LIMS1: variants seen among roughly 807,000 people sequenced by gnomAD.
LIMS1 encodes LIM and senescent cell antigen-like-containing domain protein 1.
In LIMS1, 18 loss-of-function variants were observed where a neutral mutation model predicts 44.1. The ratio of observed to expected loss-of-function variants is 0.41; its 90% CI spans 0.28 to 0.61. LIMS1 has a LOEUF of 0.61. Ranked by LOEUF, LIMS1 falls within the 20% of genes least tolerant of loss-of-function variation. LIMS1 has a pLI of 0.32. For missense variants in LIMS1, 201 were observed against 422.0 expected (o/e 0.48, Z 4.59); for synonymous variants, 93 against 149.1 (o/e 0.62, Z 2.74).
At chr2:108,584,952 C>A (rs1225133782) in intron 1 of LIMS1, among the ~76,000 whole-genome samples, 1 of 151,912 alleles carries the variant, frequency 6.6e-6, no homozygotes, top group East Asian at 1.9e-4. Context: ...AGGAGTTCGA[C>A]ACCAGCCTGG....
chr2:108,577,790 C>T (rs1685723835), intron 1 of LIMS1, among the ~76,000 whole-genome samples: 1 of 152,198 alleles, frequency 6.6e-6, no homozygotes, highest in African/African-American at 2.4e-5. Context: ...AGTATTTTGG[C>T]TCAGCAGTTA....
intron 1 of LIMS1, among the ~76,000 whole-genome samples, chr2:108,580,521 G>A (rs534245108): frequency 6.6e-6 from 1 of 152,246 alleles, no homozygotes; most frequent in South Asian, 2.1e-4. Flanking sequence ...CAGAGAAGAG[G>A]TGGTTTGGGA....
chr2:108,636,987 A>G (rs1471205493), intron 1 of LIMS1, among the ~76,000 whole-genome samples: 1 of 152,148 alleles, frequency 6.6e-6, no homozygotes, highest in Non-Finnish European at 1.5e-5. Context: ...ACTTATGGCA[A>G]AATCTAAGTT....
At chr2:108,542,648 T>C (rs1389610807) in intron 1 of LIMS1, among the ~76,000 whole-genome samples, 1 of 152,234 alleles carries the variant, frequency 6.6e-6, no homozygotes, top group Non-Finnish European at 1.5e-5. Flanking sequence ...CTTACGCTTA[T>C]ATCATCTTAT....
At chr2:108,619,209 T>C (rs1688098709) in intron 1 of LIMS1, among the ~76,000 whole-genome samples, 1 of 152,302 alleles carries the variant, frequency 6.6e-6, no homozygotes, top group African/African-American at 2.4e-5. Flanking sequence ...AAATAAGCAA[T>C]TATTTACATT....
At chr2:108,632,265 C>T (rs1034020993) in intron 1 of LIMS1, among the ~76,000 whole-genome samples, 4 of 152,194 alleles carry the variant, frequency 2.6e-5, no homozygotes, top group Non-Finnish European at 5.9e-5. Flanking sequence ...GTCACCGTGC[C>T]CAGCTGATAC....
chr2:108,670,787 G>A, exon 3 of LIMS1: 1 of 1,611,828 alleles, frequency 6.2e-7, no homozygotes, highest in Non-Finnish European at 8.5e-7. Context: ...TCAGTTTGAA[G>A]GAAGAAAGTA....
intron 1 of LIMS1, among the ~76,000 whole-genome samples, chr2:108,592,202 CA>C (rs1196005184): frequency 1.3e-5 from 2 of 152,076 alleles, no homozygotes; most frequent in African/African-American, 4.8e-5. Context: ...AGGAGGTATA[CA>C]GGAGCAGTGT....
chr2:108,552,176 TAC>T (rs1001995165), intron 1 of LIMS1, among the ~76,000 whole-genome samples: 21 of 145,000 alleles, frequency 1.4e-4, no homozygotes, highest in South Asian at 6.4e-4. Context: ...ATATAAAATA[TAC>T]AGTTTTATAC....
At chr2:108,661,510 G>A (rs1311324633) in intron 2 of LIMS1, among the ~76,000 whole-genome samples, 1 of 152,076 alleles carries the variant, frequency 6.6e-6, no homozygotes, top group African/African-American at 2.4e-5. Context: ...GAGCAGGAGA[G>A]GCCAATGTAC....
At chr2:108,644,774 A>C (rs1022614678) in intron 1 of LIMS1, among the ~76,000 whole-genome samples, 3 of 152,038 alleles carry the variant, frequency 2.0e-5, no homozygotes, top group Non-Finnish European at 2.9e-5. Flanking sequence ...TGAATTGCTA[A>C]CTAGAATAAC....
At chr2:108,566,327 C>G (rs1685287543) in intron 1 of LIMS1, among the ~76,000 whole-genome samples, 1 of 152,098 alleles carries the variant, frequency 6.6e-6, no homozygotes, top group South Asian at 2.1e-4. Context: ...GATGCAATCC[C>G]CAGAAGAAGA....
intron 2 of LIMS1, among the ~76,000 whole-genome samples, chr2:108,666,245 C>G (rs1691753101): frequency 6.6e-6 from 1 of 152,142 alleles, no homozygotes; most frequent in Non-Finnish European, 1.5e-5. Context: ...GCTTCCTCTT[C>G]TGGTTCTATT....
intron 2 of LIMS1, among the ~76,000 whole-genome samples, chr2:108,670,204 G>A (rs531407052): frequency 6.9e-4 from 105 of 152,274 alleles, no homozygotes; most frequent in Middle Eastern, 3.4e-3. Context: ...AATGTGCTAG[G>A]GCTGAGCTAC....
chr2:108,627,111 G>C (rs564501987), intron 1 of LIMS1, among the ~76,000 whole-genome samples: 2 of 152,250 alleles, frequency 1.3e-5, no homozygotes, highest in South Asian at 4.1e-4. Flanking sequence ...GTGCTGTACA[G>C]GTTTGTGGCC....
chr2:108,559,201 A>G (rs1685030362), intron 1 of LIMS1, among the ~76,000 whole-genome samples: 1 of 152,188 alleles, frequency 6.6e-6, no homozygotes. Flanking sequence ...GAAGGCTATG[A>G]AGATACATAA....
At chr2:108,536,058 G>A (rs1007812315) in intron 1 of LIMS1, among the ~76,000 whole-genome samples, 2 of 152,118 alleles carry the variant, frequency 1.3e-5, no homozygotes, top group African/African-American at 4.8e-5. Context: ...AAAATTTAAA[G>A]TATTTGTGAG....
exon 10 of LIMS1, chr2:108,684,486 A>G (rs182170429): frequency 3.7e-4 from 57 of 152,268 alleles, no homozygotes; most frequent in African/African-American, 1.3e-3. Flanking sequence ...ATATTTATCA[A>G]ACTAGTAGCT....
At chr2:108,552,623 C>T (rs988915346) in intron 1 of LIMS1, among the ~76,000 whole-genome samples, 1 of 112,510 alleles carries the variant, frequency 8.9e-6, no homozygotes, top group African/African-American at 3.1e-5. Flanking sequence ...TTTTTGGAGA[C>T]AGGGTGTTGC....
Sources: gnomAD v4.1 joint callset for allele counts (sites outside exome capture counted in the v4.1 genomes callset) on GRCh38, gnomAD v4.1.1 for gene constraint, MANE v1.5 for transcripts, NCBI Gene and HGNC (gene_info 2026-07-23, HGNC 2026-07-21) for gene names.